The following TMEM232 variants were observed in gnomAD, a reference collection of about 807,000 sequenced individuals.
TMEM232 encodes transmembrane protein 232.
A neutral mutation model predicts 78.8 loss-of-function variants in TMEM232; 80 were observed. That is an observed-to-expected ratio of 1.01 (90% CI 0.85 to 1.22). TMEM232 has a LOEUF of 1.22. TMEM232 is among the 50% of genes most tolerant of loss of function. TMEM232 has a pLI of 0.00. For missense variants in TMEM232, 881 were observed against 742.2 expected, an observed-to-expected ratio of 1.19 and a Z score of -2.17; for synonymous variants, 297 against 254.3, an observed-to-expected ratio of 1.17 and a Z score of -1.60.
intron 1 of TMEM232, among the ~76,000 whole-genome samples, chr5:110,676,504 T>C (rs1464471512): frequency 2.6e-5 from 4 of 151,888 alleles, no homozygotes; most frequent in African/African-American, 9.7e-5. Context: ...CTCCTGGGCT[T>C]AAGCGATCCT....
intron 10 of TMEM232, among the ~76,000 whole-genome samples, chr5:110,596,252 T>C (rs1004054462): frequency 6.6e-6 from 1 of 152,130 alleles, no homozygotes; most frequent in Non-Finnish European, 1.5e-5. Context: ...GCAAATAAAC[T>C]AGAAAATCTA....
chr5:110,439,250 T>C (rs1758767322), intron 12 of TMEM232, among the ~76,000 whole-genome samples: 1 of 152,168 alleles, frequency 6.6e-6, no homozygotes, highest in African/African-American at 2.4e-5. Context: ...TTGGCTACTT[T>C]TTAAAGGGAA....
At chr5:110,474,436 A>C (rs1452003441) in intron 12 of TMEM232, among the ~76,000 whole-genome samples, 3 of 151,838 alleles carry the variant, frequency 2.0e-5, no homozygotes, top group Non-Finnish European at 2.9e-5. Flanking sequence ...GGGAAAAAAA[A>C]CCTACAGCTA....
intron 11 of TMEM232, among the ~76,000 whole-genome samples, chr5:110,547,453 G>C (rs1035294335): frequency 1.3e-5 from 2 of 152,212 alleles, no homozygotes; most frequent in African/African-American, 4.8e-5. Context: ...ATTAGGTATG[G>C]AATATTTGAG....
chr5:110,606,316 G>T (rs1402767552), intron 8 of TMEM232, 29 bp from the exon 9 acceptor site: 2 of 1,471,672 alleles, frequency 1.4e-6, no homozygotes, highest in East Asian at 2.5e-5. Flanking sequence ...AAAGGATAAA[G>T]ATTTTAATGG....
chr5:110,444,386 G>A (rs1759411639), intron 12 of TMEM232, among the ~76,000 whole-genome samples: 2 of 152,194 alleles, frequency 1.3e-5, no homozygotes, highest in Admixed American at 6.5e-5. Flanking sequence ...CCCAGTCACT[G>A]AGCTCTCCCT....
intron 10 of TMEM232, among the ~76,000 whole-genome samples, chr5:110,592,635 G>A (rs1779664313): frequency 1.3e-5 from 2 of 152,048 alleles, no homozygotes; most frequent in South Asian, 4.1e-4. Context: ...ACATAAGAAA[G>A]ACATCAGTGA....
chr5:110,594,543 C>T (rs1193230690), intron 10 of TMEM232, among the ~76,000 whole-genome samples: 2 of 152,144 alleles, frequency 1.3e-5, no homozygotes, highest in African/African-American at 2.4e-5. Context: ...GCCCAGCAAG[C>T]CAAGAACTAC....
At chr5:110,517,944 T>G (rs1768915884) in intron 12 of TMEM232, among the ~76,000 whole-genome samples, 1 of 152,224 alleles carries the variant, frequency 6.6e-6, no homozygotes, top group South Asian at 2.1e-4. Flanking sequence ...TCTCTAACTT[T>G]GCATATTGTC....
chr5:110,723,275 A>G (rs909108421), intron 1 of TMEM232, among the ~76,000 whole-genome samples: 5 of 152,124 alleles, frequency 3.3e-5, no homozygotes, highest in African/African-American at 1.2e-4. Flanking sequence ...CCTTTAAGGC[A>G]TTAGACCAGT....
intron 3 of TMEM232, among the ~76,000 whole-genome samples, chr5:110,641,385 C>G (rs1048288408): frequency 1.3e-5 from 2 of 152,064 alleles, no homozygotes; most frequent in African/African-American, 4.8e-5. Context: ...AAAACCCTGG[C>G]TACTTCATTG....
At chr5:110,649,519 T>A (rs539779026) in intron 2 of TMEM232, among the ~76,000 whole-genome samples, 1 of 152,212 alleles carries the variant, frequency 6.6e-6, no homozygotes, top group East Asian at 1.9e-4. Flanking sequence ...TAAAAAAATA[T>A]CTTCCAAAAA....
At chr5:110,594,318 G>A (rs940411466) in intron 10 of TMEM232, among the ~76,000 whole-genome samples, 1 of 152,112 alleles carries the variant, frequency 6.6e-6, no homozygotes, top group Admixed American at 6.5e-5. Flanking sequence ...CCACAGACCA[G>A]GAGATTCCCT....
rs545299870 is a variant in TMEM232, at chr5:110,531,174, CCT to C, written c.1456-2341_1456-2340del. Reference sequence around the variant, plus strand: ...CTTCTGCCCGCCAGAGAACAACCCCCCTTTTTCCTTTACCTACCCAAATCCTA... The same window carrying C: ...CTTCTGCCCGCCAGAGAACAACCCCCTTTTCCTTTACCTACCCAAATCCTA... On this transcript the variant is annotated intron_variant, in intron 11 of 13. Transcript: ENST00000455884. Among the ~76,000 whole-genome samples the C allele has an allele frequency of 2.7e-4, 41 of 152,166 alleles. 2 individuals are homozygous for C. The South Asian group carries it at 8.3e-3, about 31-fold the overall frequency.
chr5:110,458,766 A>G (rs916105130), intron 12 of TMEM232, among the ~76,000 whole-genome samples: 1 of 151,924 alleles, frequency 6.6e-6, no homozygotes, highest in African/African-American at 2.4e-5. Context: ...TATTCCCTCT[A>G]TGTGTTTGGA....
intron 1 of TMEM232, among the ~76,000 whole-genome samples, chr5:110,690,798 A>C (rs1285196598): frequency 1.3e-5 from 2 of 152,208 alleles, no homozygotes; most frequent in African/African-American, 4.8e-5. Flanking sequence ...GCAGCCATTA[A>C]AAAGGATGAA....
intron 1 of TMEM232, among the ~76,000 whole-genome samples, chr5:110,672,830 G>GTTA (rs142855347): frequency 1.5e-4 from 23 of 151,356 alleles, no homozygotes; most frequent in East Asian, 5.8e-4. Context: ...TATTTTTATT[G>GTTA]TTATTATTAT....
chr5:110,596,813 A>T (rs1357534584), intron 10 of TMEM232, among the ~76,000 whole-genome samples: 1 of 152,210 alleles, frequency 6.6e-6, no homozygotes, highest in African/African-American at 2.4e-5. Context: ...AAAATGCAAC[A>T]ACTCTTTATG....
At chr5:110,528,175 A>T (rs184844422) in intron 12 of TMEM232, among the ~76,000 whole-genome samples, 1 of 151,920 alleles carries the variant, frequency 6.6e-6, no homozygotes, top group African/African-American at 2.4e-5. Context: ...ATAAAATCTA[A>T]TTAGCCTCAT....
Sources: allele counts gnomAD v4.1 joint callset (sites outside exome capture counted in the v4.1 genomes callset), GRCh38; gene constraint gnomAD v4.1.1; transcripts MANE v1.5; gene names NCBI Gene and HGNC (gene_info 2026-07-23, HGNC 2026-07-21).